The following OSBPL8 variants were observed in gnomAD, a reference collection of about 807,000 sequenced individuals.
OSBPL8 encodes the protein oxysterol binding protein like 8.
OSBPL8 carries 59 observed loss-of-function variants against 125.5 expected under a neutral mutation model. That is an observed-to-expected ratio of 0.47 (90% CI 0.38 to 0.58). The LOEUF is 0.58. Among genes scored for constraint, OSBPL8 ranks in the 20% least tolerant of loss-of-function variants. The pLI, the probability that OSBPL8 is intolerant of heterozygous loss-of-function variation, is 0.00. For synonymous variants in OSBPL8, 330 were observed against 338.9 expected (o/e 0.97, Z 0.29); for missense variants, 758 against 1,047.8 (o/e 0.72, Z 3.82).
chr12:76,547,658 C>A (rs11114414), intron 1 of OSBPL8, among the ~76,000 whole-genome samples: 1 of 151,842 alleles, frequency 6.6e-6, no homozygotes, highest in South Asian at 2.1e-4. Flanking sequence ...AAAGAATAAC[C>A]CCTCACCCAT....
At chr12:76,503,400 G>C (rs893721982) in intron 1 of OSBPL8, among the ~76,000 whole-genome samples, 2 of 152,088 alleles carry the variant, frequency 1.3e-5, no homozygotes, top group Admixed American at 1.3e-4. Context: ...TACTGAATTC[G>C]GGTCCACCCT....
intron 22 of OSBPL8, among the ~76,000 whole-genome samples, chr12:76,357,694 A>G (rs1267765429): frequency 6.6e-6 from 1 of 152,214 alleles, no homozygotes; most frequent in African/African-American, 2.4e-5. Context: ...GATTCTAAGA[A>G]CTTTCCCTCA....
chr12:76,416,771 T>C (rs571128111), intron 4 of OSBPL8, among the ~76,000 whole-genome samples: 1 of 152,232 alleles, frequency 6.6e-6, no homozygotes, highest in South Asian at 2.1e-4. Context: ...CTTTAGATCA[T>C]TAGTACTCAA....
chr12:76,489,590 T>C lies in OSBPL8; in HGVS notation c.-67-1972A>G, dbSNP rs150080022. Among the ~76,000 whole-genome samples, 969 of 152,344 alleles carry C rather than the reference T, an allele frequency of 6.4e-3. 12 individuals are homozygous for C. Among genetic ancestry groups the C allele is most frequent in the African/African-American group, 0.023 (937 of 41,578 alleles). On this transcript the variant is annotated intron_variant, in intron 1 of 23. Transcript: ENST00000261183. ...TTTACAGCATGGTTTACTAAAATTT[T>C]AAGCTCACTGTTGAGACTACTGCTA...
intron 4 of OSBPL8, among the ~76,000 whole-genome samples, chr12:76,432,412 T>C (rs1870944395): frequency 6.6e-6 from 1 of 151,962 alleles, no homozygotes; most frequent in Non-Finnish European, 1.5e-5. Flanking sequence ...GGACCGTGTG[T>C]CTACAAAAAA....
chr12:76,457,091 T>G (rs1276669650), intron 3 of OSBPL8, among the ~76,000 whole-genome samples: 2 of 152,230 alleles, frequency 1.3e-5, no homozygotes, highest in Non-Finnish European at 2.9e-5. Context: ...GAGAAATGAC[T>G]TTTTAAAGCA....
At chr12:76,508,140 C>T (rs1215006636) in intron 1 of OSBPL8, among the ~76,000 whole-genome samples, 1 of 151,092 alleles carries the variant, frequency 6.6e-6, no homozygotes, top group Admixed American at 6.6e-5. Flanking sequence ...CATCGCACTC[C>T]AGCCTGGGCA....
intron 1 of OSBPL8, among the ~76,000 whole-genome samples, chr12:76,547,492 A>G (rs1686366319): frequency 6.6e-6 from 1 of 152,204 alleles, no homozygotes; most frequent in African/African-American, 2.4e-5. Context: ...AAAGGAACAA[A>G]TGAAAATTAA....
intron 15 of OSBPL8, among the ~76,000 whole-genome samples, chr12:76,380,596 CT>C (rs916367586): frequency 9.9e-5 from 14 of 141,298 alleles, no homozygotes; most frequent in African/African-American, 3.6e-4. Context: ...ACTGATTTTT[CT>C]TTTTTGACCA....
chr12:76,388,528 C>CTCA (rs1953417712), intron 12 of OSBPL8, among the ~76,000 whole-genome samples: 2 of 152,164 alleles, frequency 1.3e-5, no homozygotes, highest in East Asian at 3.9e-4. Flanking sequence ...ATTTCTAGAC[C>CTCA]GACAAAAGTG....
chr12:76,369,527 T>C, intron 20 of OSBPL8, 110 bp downstream of exon 20: 2 of 1,349,518 alleles, frequency 1.5e-6, no homozygotes, highest in Non-Finnish European at 2.0e-6. Context: ...CTCACACTAA[T>C]ATACATGGTT....
intron 1 of OSBPL8, among the ~76,000 whole-genome samples, chr12:76,489,574 T>C (rs577639247): frequency 6.6e-6 from 1 of 152,226 alleles, no homozygotes; most frequent in South Asian, 2.1e-4. Context: ...GTTTACAGCA[T>C]GGTTTACTAA....
At chr12:76,474,204 T>G (rs1876518947) in intron 2 of OSBPL8, among the ~76,000 whole-genome samples, 1 of 152,146 alleles carries the variant, frequency 6.6e-6, no homozygotes, top group South Asian at 2.1e-4. Flanking sequence ...CATAAAAATT[T>G]TTTAAGTATT....
intron 1 of OSBPL8, among the ~76,000 whole-genome samples, chr12:76,518,789 G>A (rs552296472): frequency 6.6e-6 from 1 of 152,356 alleles, no homozygotes; most frequent in African/African-American, 2.4e-5. Context: ...AGCCGAGGCT[G>A]GAGCTGGAGC....
chr12:76,444,886 G>A (rs1490204660), intron 4 of OSBPL8, among the ~76,000 whole-genome samples: 1 of 152,044 alleles, frequency 6.6e-6, no homozygotes, highest in African/African-American at 2.4e-5. Flanking sequence ...GAGAATGAGA[G>A]GGACATAAAT....
intron 4 of OSBPL8, among the ~76,000 whole-genome samples, chr12:76,436,435 A>C (rs1404889778): frequency 6.6e-6 from 1 of 152,042 alleles, no homozygotes. Flanking sequence ...TGGTCCCTAA[A>C]TTTTGAAATT....
At chr12:76,377,578 T>C (rs1431594614) in intron 16 of OSBPL8, among the ~76,000 whole-genome samples, 3 of 152,230 alleles carry the variant, frequency 2.0e-5, no homozygotes, top group African/African-American at 7.2e-5. Flanking sequence ...TTTTGAAAAG[T>C]GTCTGTTCGT....
At chr12:76,395,393 A>G (rs1356874689) in intron 8 of OSBPL8, among the ~76,000 whole-genome samples, 6 of 152,246 alleles carry the variant, frequency 3.9e-5, no homozygotes, top group Non-Finnish European at 7.3e-5. Flanking sequence ...TATAATTTTG[A>G]TACAAAAGCA....
In OSBPL8 at chr12:76,503,107, G is replaced by A. The variant is rs769444250; in HGVS notation, c.-67-15489C>T. On this transcript the variant is annotated intron_variant, in intron 1 of 23. Coordinates refer to ENST00000261183, the MANE Select transcript of OSBPL8 (RefSeq NM_020841.5). ...AAGACAGTTGTACCGTTGGGTGGAA[G>A]CATGACTTTGTTATTGTCTTTGTTT... 7.9e-5 allele frequency among the ~76,000 whole-genome samples: 12 copies of A among 152,192 alleles called. 1 individual carries two copies. The highest frequency in any genetic ancestry group is 1.0e-4 in the Non-Finnish European group (7 of 68,030).
Sources: allele counts gnomAD v4.1 joint callset (sites outside exome capture counted in the v4.1 genomes callset), GRCh38; gene constraint gnomAD v4.1.1; transcripts MANE v1.5; gene names NCBI Gene and HGNC (gene_info 2026-07-23, HGNC 2026-07-21).